The following MAPK14 variants were observed in gnomAD, a reference collection of about 807,000 sequenced individuals.
MAPK14 encodes the protein CSAID-binding protein.
MAPK14 carries 16 observed loss-of-function variants against 49.6 expected under a neutral mutation model. The observed-to-expected ratio is 0.32, with a 90% confidence interval of 0.22 to 0.49. The LOEUF is 0.49. Ranked by LOEUF, MAPK14 falls within the 20% of genes least tolerant of loss-of-function variation. The pLI, the probability that MAPK14 is intolerant of heterozygous loss-of-function variation, is 0.99. For synonymous variants in MAPK14, 142 were observed against 158.0 expected (o/e 0.90, Z 0.76); for missense variants, 200 against 441.2 (o/e 0.45, Z 4.90).
At chr6:36,089,934 A>C (rs1487335984) in intron 8 of MAPK14, among the ~76,000 whole-genome samples, 1 of 152,224 alleles carries the variant, frequency 6.6e-6, no homozygotes, top group Admixed American at 6.5e-5. Flanking sequence ...TTTCTACCAG[A>C]GATCACAGCC....
intron 3 of MAPK14, among the ~76,000 whole-genome samples, chr6:36,064,112 TG>T (rs1219050869): frequency 6.6e-6 from 1 of 151,898 alleles, no homozygotes; most frequent in East Asian, 1.9e-4. Flanking sequence ...TTTTTGTAGT[TG>T]GGGCTACAGG....
intron 10 of MAPK14, among the ~76,000 whole-genome samples, chr6:36,103,098 G>A (rs781096933): frequency 9.2e-5 from 14 of 152,074 alleles, no homozygotes; most frequent in South Asian, 4.1e-4. Flanking sequence ...GGTAGCTGCC[G>A]TTGCTACAGA....
Position 36,103,073 on chromosome 6 carries a change from G to T in MAPK14, c.841+424G>T, listed in dbSNP as rs563068865. Among the ~76,000 whole-genome samples the T allele has an allele frequency of 4.2e-4, 64 of 152,244 alleles. 1 individual carries two copies. The South Asian group carries it at 0.012, about 29-fold the overall frequency. ...GAGCCACCCAGGAGCTCCCTGCAGG[G>T]TGCTCTGCTCTAACGGTAGCTGCCG... On this transcript the variant is annotated intron_variant, in intron 10 of 11. Coordinates refer to ENST00000229794, the MANE Select transcript of MAPK14 (RefSeq NM_139012.3).
intron 1 of MAPK14, among the ~76,000 whole-genome samples, chr6:36,047,543 C>A (rs1379271952): frequency 6.6e-6 from 1 of 152,128 alleles, no homozygotes; most frequent in Non-Finnish European, 1.5e-5. Context: ...GTGTTGTGAT[C>A]TAATTTGTAC....
intron 1 of MAPK14, among the ~76,000 whole-genome samples, chr6:36,046,006 T>A (rs909001129): frequency 3.9e-4 from 59 of 152,084 alleles, no homozygotes; most frequent in African/African-American, 1.4e-3. Flanking sequence ...CAGAATTATA[T>A]TAGGATATAT....
chr6:36,120,028 G>C, the MAPK14 span, among the ~76,000 whole-genome samples: 1 of 152,198 alleles, frequency 6.6e-6, no homozygotes, highest in African/African-American at 2.4e-5. Context: ...GCATGAAAGG[G>C]CTTCAGCTGC....
chr6:36,069,784 C>A (rs1764199520), intron 3 of MAPK14, among the ~76,000 whole-genome samples: 1 of 152,106 alleles, frequency 6.6e-6, no homozygotes. Context: ...TCACTGGTAA[C>A]CATTTACACA....
At chr6:36,077,521 T>C (rs370131472) in intron 8 of MAPK14, among the ~76,000 whole-genome samples, 1 of 152,158 alleles carries the variant, frequency 6.6e-6, no homozygotes. Flanking sequence ...TAATTGAGTT[T>C]ATAAACCAGA....
chr6:36,092,043 T>C (rs1235158545), intron 8 of MAPK14: 3 of 472,790 alleles, frequency 6.3e-6, no homozygotes, highest in Non-Finnish European at 1.3e-5. Context: ...GTTTCAGTGC[T>C]AGAGCATGGG....
chr6:36,083,264 A>G (rs1764837371), intron 8 of MAPK14, among the ~76,000 whole-genome samples: 1 of 152,184 alleles, frequency 6.6e-6, no homozygotes, highest in African/African-American at 2.4e-5. Context: ...CTCCCACCCC[A>G]AGCCAAGGGA....
chr6:36,046,144 G>A (rs1763170823), intron 1 of MAPK14, among the ~76,000 whole-genome samples: 1 of 152,200 alleles, frequency 6.6e-6, no homozygotes, highest in Non-Finnish European at 1.5e-5. Flanking sequence ...TTCACGGTCA[G>A]CAGTAGATGA....
chr6:36,091,249 T>C (rs975734800), intron 8 of MAPK14, among the ~76,000 whole-genome samples: 4 of 139,692 alleles, frequency 2.9e-5, no homozygotes, highest in Non-Finnish European at 4.5e-5. Context: ...AGTTTTTTTG[T>C]TTTTTTTTTT....
At chr6:36,096,545 T>G (rs1765452318) in intron 9 of MAPK14, 2 of 153,710 alleles carry the variant, frequency 1.3e-5, no homozygotes, top group Admixed American at 1.3e-4. Flanking sequence ...GTCTGCACAC[T>G]GTTGCCCCTT....
the MAPK14 span, among the ~76,000 whole-genome samples, chr6:36,117,898 T>G: frequency 6.6e-6 from 1 of 152,264 alleles, no homozygotes; most frequent in South Asian, 2.1e-4. Context: ...TTTAATCCCT[T>G]GCAGATCACC....
At chr6:36,093,534 A>G (rs1039463930) in intron 8 of MAPK14, among the ~76,000 whole-genome samples, 2 of 152,102 alleles carry the variant, frequency 1.3e-5, no homozygotes, top group Non-Finnish European at 2.9e-5. Flanking sequence ...TCTGGCTAAC[A>G]TGGTGAAACC....
chr6:36,047,176 TAAGG>T (rs889843039), intron 1 of MAPK14, among the ~76,000 whole-genome samples: 1 of 152,162 alleles, frequency 6.6e-6, no homozygotes, highest in African/African-American at 2.4e-5. Context: ...TTATGTGAGA[TAAGG>T]AAGGAGTCAG....
intron 2 of MAPK14, among the ~76,000 whole-genome samples, chr6:36,057,184 A>G (rs188359139): frequency 1.2e-3 from 187 of 152,354 alleles, no homozygotes; most frequent in African/African-American, 4.3e-3. Context: ...TTCTTGCAGT[A>G]TTCCTTAAAT....
At chr6:36,080,575 T>C (rs1764715837) in intron 8 of MAPK14, among the ~76,000 whole-genome samples, 1 of 152,238 alleles carries the variant, frequency 6.6e-6, no homozygotes, top group Non-Finnish European at 1.5e-5. Context: ...ATATCCCACA[T>C]TTTGTTGACC....
chr6:36,100,279 G>A, intron 9 of MAPK14: 1 of 1,601,648 alleles, frequency 6.2e-7, no homozygotes, highest in Non-Finnish European at 8.6e-7. Context: ...TGAGAACAAA[G>A]AGACTGTACA....
Sources: allele counts gnomAD v4.1 joint callset (sites outside exome capture counted in the v4.1 genomes callset), GRCh38; gene constraint gnomAD v4.1.1; transcripts MANE v1.5; gene names NCBI Gene and HGNC (gene_info 2026-07-23, HGNC 2026-07-21).